The following NELL1 variants were observed in gnomAD, a reference collection of about 807,000 sequenced individuals.
The protein encoded by NELL1 is neural EGFL like 1.
A neutral mutation model predicts 107.4 loss-of-function variants in NELL1; 76 were observed. That is an observed-to-expected ratio of 0.71 (90% CI 0.59 to 0.86). The LOEUF is 0.86. NELL1 is among the 40% of genes least tolerant of loss of function. The pLI is 0.00. For synonymous variants in NELL1, 353 were observed against 341.2 expected, an observed-to-expected ratio of 1.03 and a Z score of -0.38; for missense variants, 1,024 against 1,005.5, an observed-to-expected ratio of 1.02 and a Z score of -0.25.
chr11:20,706,913 G>T, intron 2 of NELL1, among the ~76,000 whole-genome samples: 1 of 152,142 alleles, frequency 6.6e-6, no homozygotes, highest in East Asian at 1.9e-4. Flanking sequence ...TCCTGAATTT[G>T]AATGTTGGCC....
rs570431989 is a variant in NELL1, at chr11:21,039,558, G to A, written c.1301-74031G>A. Among the ~76,000 whole-genome samples the A allele has an allele frequency of 2.2e-3, 339 of 152,266 alleles. 6 individuals carry two copies. Among genetic ancestry groups the A allele is most frequent in the South Asian group, 9.5e-3 (46 of 4,832 alleles). On this transcript the variant is annotated intron_variant, in intron 12 of 19. Coordinates refer to ENST00000357134, the MANE Select transcript of NELL1 (RefSeq NM_006157.5). ...TTTATATATGACCCCTAAAGAAAAA[G>A]TTACCACTGCTCATTGATTTTCTAG...
intron 13 of NELL1, among the ~76,000 whole-genome samples, chr11:21,165,923 T>C (rs892461580): frequency 2.0e-5 from 3 of 151,242 alleles, no homozygotes; most frequent in Non-Finnish European, 4.4e-5. Flanking sequence ...CCCGGCTGAT[T>C]TTTGTAATTT....
chr11:20,875,402 G>C (rs760740363), intron 4 of NELL1, among the ~76,000 whole-genome samples: 12 of 152,028 alleles, frequency 7.9e-5, no homozygotes, highest in Non-Finnish European at 1.8e-4. Flanking sequence ...TTTCCAGCAT[G>C]TTTAAGAAGC....
intron 14 of NELL1, among the ~76,000 whole-genome samples, chr11:21,264,270 A>G (rs1339007437): frequency 4.0e-5 from 6 of 151,860 alleles, no homozygotes; most frequent in Non-Finnish European, 2.9e-5. Context: ...ACTTTGAGTT[A>G]TTAATCTTTT....
chr11:21,551,707 A>G (rs1856590708), intron 16 of NELL1, among the ~76,000 whole-genome samples: 1 of 151,520 alleles, frequency 6.6e-6, no homozygotes, highest in South Asian at 2.1e-4. Flanking sequence ...AACCAGTTCA[A>G]CCATTGTGGA....
Position 20,909,392 on chromosome 11 carries a change from G to A in NELL1, c.604-8790G>A, listed in dbSNP as rs139997011. ...AGTCTGATTCAGTGGACCTAGGTTG[G>A]GACCCAAATCTTTTCATTTCTAACA... On this transcript the variant is annotated intron_variant, in intron 5 of 19. Transcript: ENST00000357134. Among the ~76,000 whole-genome samples the A allele has an allele frequency of 2.6e-5, 4 of 152,158 alleles. No homozygotes were observed. In the East Asian group the frequency reaches 5.8e-4, roughly 22 times the overall value.
chr11:21,471,728 G>C, intron 15 of NELL1, among the ~76,000 whole-genome samples: 1 of 151,982 alleles, frequency 6.6e-6, no homozygotes, highest in South Asian at 2.1e-4. Context: ...AAGACATAAA[G>C]ATGCAAACAT....
Position 20,802,629 on chromosome 11 carries a change from A to G in NELL1, c.335+18799A>G, listed in dbSNP as rs552270501. 8.5e-5 allele frequency among the ~76,000 whole-genome samples: 13 copies of G among 152,334 alleles called. 1 individual carries two copies. Among genetic ancestry groups the G allele is most frequent in the African/African-American group, 3.1e-4 (13 of 41,598 alleles). ...TTGAATAACAGTGGTGAAGGTGAAC[A>G]TCCTTCTCATGTTCCAGATACTGGA... On this transcript the variant is annotated intron_variant, in intron 3 of 19. Transcript: ENST00000357134.
At chr11:21,502,951 A>G (rs1014011340) in intron 15 of NELL1, among the ~76,000 whole-genome samples, 2 of 152,080 alleles carry the variant, frequency 1.3e-5, no homozygotes, top group African/African-American at 4.8e-5. Context: ...GGCATGATCT[A>G]GGCTCACCAC....
rs1053878679 is a variant in NELL1, at chr11:21,211,433, A to G, written c.1427-17899A>G. Among the ~76,000 whole-genome samples, 3 of 152,200 alleles carry G rather than the reference A, an allele frequency of 2.0e-5. No homozygotes were observed. In the East Asian group the frequency reaches 5.8e-4, roughly 29 times the overall value. The stretch of plus-strand genomic sequence containing the variant: ...GGCACGTAGGTAAAGGCAAGAGCAT[A>G]CTGGGCTGAGAGTAATGTTAATAAT... On this transcript the variant is annotated intron_variant, in intron 13 of 19. Coordinates refer to ENST00000357134, the MANE Select transcript of NELL1 (RefSeq NM_006157.5).
At chr11:21,128,778 C>T (rs532630555) in intron 13 of NELL1, among the ~76,000 whole-genome samples, 2 of 152,276 alleles carry the variant, frequency 1.3e-5, no homozygotes, top group Admixed American at 6.5e-5. Context: ...GAGTGGTATA[C>T]AGTACAGGGG....
At chr11:21,269,845 A>G (rs1259364799) in intron 14 of NELL1, among the ~76,000 whole-genome samples, 1 of 152,178 alleles carries the variant, frequency 6.6e-6, no homozygotes, top group Non-Finnish European at 1.5e-5. Flanking sequence ...CATAGCAACA[A>G]TGTATTCGAT....
chr11:21,462,548 C>A (rs1309010284), intron 15 of NELL1, among the ~76,000 whole-genome samples: 2 of 152,028 alleles, frequency 1.3e-5, no homozygotes, highest in Non-Finnish European at 2.9e-5. Flanking sequence ...TTTTATTAAA[C>A]AGAGGAAACT....
intron 14 of NELL1, among the ~76,000 whole-genome samples, chr11:21,317,195 C>T (rs970793691): frequency 2.6e-5 from 4 of 151,956 alleles, no homozygotes; most frequent in Admixed American, 1.3e-4. Flanking sequence ...CAAAACTCTT[C>T]GTAAACATAA....
intron 15 of NELL1, among the ~76,000 whole-genome samples, chr11:21,373,519 G>A (rs1225125908): frequency 6.6e-6 from 1 of 152,060 alleles, no homozygotes; most frequent in African/African-American, 2.4e-5. Context: ...TTAGTCTGAA[G>A]CATGTTCTCT....
In NELL1 at chr11:21,520,124, G is replaced by A. The variant is rs374764982; in HGVS notation, c.1646-14250G>A. Among the ~76,000 whole-genome samples the A allele has an allele frequency of 6.6e-4, 100 of 152,140 alleles. 2 individuals carry two copies. The highest frequency in any genetic ancestry group is 1.5e-3 in the South Asian group (7 of 4,806). On this transcript the variant is annotated intron_variant, in intron 15 of 19. Transcript: ENST00000357134. ...CTGTCAAAGTAGCATGATTTCTTCC[G>A]CCAATACATCCATCTCACAATATGC...
intron 2 of NELL1, among the ~76,000 whole-genome samples, chr11:20,778,306 C>T (rs1274703222): frequency 1.3e-5 from 2 of 152,098 alleles, no homozygotes; most frequent in African/African-American, 2.4e-5. Context: ...ACTTTTATTT[C>T]CCCAGTGCCA....
intron 2 of NELL1, among the ~76,000 whole-genome samples, chr11:20,746,947 C>G (rs1039340253): frequency 2.0e-5 from 3 of 152,150 alleles, no homozygotes; most frequent in Non-Finnish European, 2.9e-5. Flanking sequence ...CTGATAAAAC[C>G]CTTTCATTTT....
chr11:20,716,188 A>G (rs1855245986), intron 2 of NELL1, among the ~76,000 whole-genome samples: 1 of 152,228 alleles, frequency 6.6e-6, no homozygotes, highest in African/African-American at 2.4e-5. Context: ...GCCTGGCAGC[A>G]TGGGCTAGCA....
Sources: allele counts gnomAD v4.1 joint callset (sites outside exome capture counted in the v4.1 genomes callset), GRCh38; gene constraint gnomAD v4.1.1; transcripts MANE v1.5; gene names NCBI Gene and HGNC (gene_info 2026-07-23, HGNC 2026-07-21).